Variants in STK24 observed in about 807,000 individuals in gnomAD.
STK24 encodes the protein serine/threonine kinase 24, also known as serine/threonine-protein kinase 24.
STK24 carries 21 observed loss-of-function variants against 55.6 expected under a neutral mutation model. The ratio of observed to expected loss-of-function variants is 0.38; its 90% CI spans 0.27 to 0.54. STK24 has a LOEUF of 0.54. Ranked by LOEUF, STK24 falls within the 20% of genes least tolerant of loss-of-function variation. The pLI is 0.79. For missense variants in STK24, 383 were observed against 538.4 expected (o/e 0.71, Z 2.86); for synonymous variants, 200 against 215.2 (o/e 0.93, Z 0.62).
chr13:98,576,964 C>T lies in STK24; in HGVS notation c.-178G>A. 5.5e-6 allele frequency: 1 copy of T among 181,650 alleles called. No individual in the cohort carries two copies. Among genetic ancestry groups the T allele is most frequent in the Non-Finnish European group, 1.0e-5 (1 of 98,374 alleles). The allele number at this position is 181,650 out of a possible 1,614,324, so 11.3% of individuals were successfully genotyped here. A position where few individuals can be genotyped will look rare whatever the true frequency, so the allele number is the denominator to read the frequency against. On this transcript the variant is annotated 5_prime_UTR_variant, in exon 1 of 11. Transcript: ENST00000539966. Reference sequence around the variant, plus strand: ...CGGGGGCTCAGCGGCGGGTGGCGGGCCGCGTCTCCATGCACGGCGCCAGGG... The same window carrying T: ...CGGGGGCTCAGCGGCGGGTGGCGGGTCGCGTCTCCATGCACGGCGCCAGGG...
At chr13:98,480,406 A>C (rs1228241828) in intron 3 of STK24, among the ~76,000 whole-genome samples, 1 of 152,262 alleles carries the variant, frequency 6.6e-6, no homozygotes, top group East Asian at 1.9e-4. Context: ...CTAATTACAT[A>C]AAATGAGGTA....
In STK24 at chr13:98,449,997, A is replaced by AGAC. The variant is rs1893109913; in HGVS notation, c.*3173_*3175dup. On this transcript the variant is annotated 3_prime_UTR_variant, in exon 11 of 11. Coordinates refer to ENST00000539966, the MANE Select transcript of STK24 (RefSeq NM_001032296.4). Reference sequence around the variant, plus strand: ...GAAGTCACCACTCACTCATTCCTGGAGACTTGGGGACAAGGCAGTCTCCTC... The same window carrying AGAC: ...GAAGTCACCACTCACTCATTCCTGGAGACGACTTGGGGACAAGGCAGTCTCCTC... 3 of 151,784 alleles carry AGAC rather than the reference A, an allele frequency of 2.0e-5. No individual in the cohort carries two copies. Among genetic ancestry groups the AGAC allele is most frequent in the African/African-American group, 7.3e-5 (3 of 41,292 alleles). 9.4% of individuals were successfully genotyped at this position (151,784 alleles called of 1,614,324 possible). A position where few individuals can be genotyped will look rare whatever the true frequency, so the allele number is the denominator to read the frequency against.
intron 2 of STK24, among the ~76,000 whole-genome samples, chr13:98,494,441 GTAT>G (rs2139330638): frequency 8.9e-6 from 1 of 112,338 alleles, no homozygotes; most frequent in East Asian, 3.0e-4. Context: ...GCCTCTAACA[GTAT>G]TATAAGGAAA....
Position 98,499,108 on chromosome 13 carries a change from T to G in STK24, c.274-16787A>C, listed in dbSNP as rs114481011. 3.5e-3 allele frequency among the ~76,000 whole-genome samples: 525 copies of G among 152,148 alleles called. 5 individuals are homozygous for G. Among genetic ancestry groups the G allele is most frequent in the African/African-American group, 0.012 (498 of 41,522 alleles). ...CTAAAAATACAAAAATTAGCCAGCATAGTGGTGCAATCCCAGCTACTCGGG... is the reference window on the plus strand; with the variant it reads ...CTAAAAATACAAAAATTAGCCAGCAGAGTGGTGCAATCCCAGCTACTCGGG... On this transcript the variant is annotated intron_variant, in intron 2 of 10. Coordinates refer to ENST00000539966, the MANE Select transcript of STK24 (RefSeq NM_001032296.4).
chr13:98,534,744 C>A (rs1468899541), intron 1 of STK24, among the ~76,000 whole-genome samples: 1 of 152,148 alleles, frequency 6.6e-6, no homozygotes, highest in Non-Finnish European at 1.5e-5. Context: ...AGCAAAAAAC[C>A]CACTTCAATC....
intron 1 of STK24, among the ~76,000 whole-genome samples, chr13:98,569,838 ATGCC>A (rs56257438): frequency 0.17 from 24,590 of 148,268 alleles, 2,121 homozygotes; most frequent in African/African-American, 0.18. Flanking sequence ...TCTATAGACA[ATGCC>A]TGAAACCAGG....
intron 1 of STK24, among the ~76,000 whole-genome samples, chr13:98,559,166 TCCG>T (rs1897351543): frequency 1.3e-5 from 2 of 151,824 alleles, no homozygotes; most frequent in African/African-American, 4.8e-5. Context: ...AAGAGCGAAC[TCCG>T]TCTCAAAAAA....
intron 2 of STK24, among the ~76,000 whole-genome samples, chr13:98,512,728 TGGGCAGGTGAG>T (rs1327252630): frequency 6.6e-6 from 1 of 151,742 alleles, no homozygotes. Flanking sequence ...GCAAAAAACA[TGGGCAGGTGAG>T]GACCTCCAGT....
At chr13:98,502,716 G>T (rs1232850856) in intron 2 of STK24, among the ~76,000 whole-genome samples, 3 of 152,304 alleles carry the variant, frequency 2.0e-5, no homozygotes, top group Admixed American at 6.5e-5. Context: ...CCAGATGCCA[G>T]TACCATGTTC....
chr13:98,548,017 C>G (rs574902919), intron 1 of STK24, among the ~76,000 whole-genome samples: 3 of 152,264 alleles, frequency 2.0e-5, no homozygotes, highest in South Asian at 4.1e-4. Context: ...TCTAACTTCC[C>G]GCTCCAGCAG....
intron 1 of STK24, among the ~76,000 whole-genome samples, chr13:98,537,342 C>T (rs79667253): frequency 0.032 from 4,872 of 152,298 alleles, 240 homozygotes; most frequent in African/African-American, 0.11. Flanking sequence ...ATGGCGTTAC[C>T]CTATGGCCGC....
chr13:98,535,962 T>G (rs1896720430), intron 1 of STK24, among the ~76,000 whole-genome samples: 1 of 152,246 alleles, frequency 6.6e-6, no homozygotes, highest in Non-Finnish European at 1.5e-5. Flanking sequence ...ATCAGGAAAC[T>G]GACTATTCTA....
At chr13:98,567,604 A>G (rs982188034) in intron 1 of STK24, among the ~76,000 whole-genome samples, 4 of 152,154 alleles carry the variant, frequency 2.6e-5, no homozygotes, top group African/African-American at 7.2e-5. Context: ...AAATAAGCAG[A>G]CATGTATACT....
Position 98,576,859 on chromosome 13 carries a change from C to G in STK24, c.-73G>C, listed in dbSNP as rs1003265765. 1 of 972,336 alleles carries G rather than the reference C, an allele frequency of 1.0e-6. No individual in the cohort carries two copies. Among genetic ancestry groups the G allele is most frequent in the African/African-American group, 1.8e-5 (1 of 55,722 alleles). The allele number at this position is 972,336 out of a possible 1,614,324, so 60.2% of individuals were successfully genotyped here. A position where few individuals can be genotyped will look rare whatever the true frequency, so the allele number is the denominator to read the frequency against. ...GATCCGCGCGGGGCGGCGAGGCCCG[C>G]GGGCCGCGCGCAGCCCTCGGGCGGC... On this transcript the variant is annotated 5_prime_UTR_variant, in exon 1 of 11. Transcript: ENST00000539966.
chr13:98,451,744 G>A lies in STK24; in HGVS notation c.*1429C>T, dbSNP rs1462058737. 1 of 152,134 alleles carries A rather than the reference G, an allele frequency of 6.6e-6. No individual in the cohort carries two copies. Among genetic ancestry groups the A allele is most frequent in the African/African-American group, 2.4e-5 (1 of 41,408 alleles). The allele number at this position is 152,134 out of a possible 1,614,324, so 9.4% of individuals were successfully genotyped here. A position where few individuals can be genotyped will look rare whatever the true frequency, so the allele number is the denominator to read the frequency against. On this transcript the variant is annotated 3_prime_UTR_variant, in exon 11 of 11. Transcript: ENST00000539966. ...TCAGCTTCAACAAACATAAAAGAAT[G>A]CTTCATGTACCAGTCAACAGCTGCT...
rs1211978253 is a variant in STK24, at chr13:98,450,099, C to T, written c.*3074G>A. On this transcript the variant is annotated 3_prime_UTR_variant, in exon 11 of 11. Transcript: ENST00000539966. The stretch of plus-strand genomic sequence containing the variant: ...GGTGGTTCTGACCTGTGACCAGCAC[C>T]TCTGCTTCCTGTGTGCCCTCAAGAA... The T allele has an allele frequency of 6.6e-6, 1 of 152,236 alleles. No homozygotes were observed. The highest frequency in any genetic ancestry group is 1.9e-4 in the East Asian group (1 of 5,194). The allele number at this position is 152,236 out of a possible 1,614,324, so 9.4% of individuals were successfully genotyped here. A position where few individuals can be genotyped will look rare whatever the true frequency, so the allele number is the denominator to read the frequency against.
intron 10 of STK24, 87 bp downstream of exon 10, chr13:98,457,080 CA>C: frequency 6.7e-7 from 1 of 1,496,356 alleles, no homozygotes; most frequent in Non-Finnish European, 9.0e-7. Context: ...ACAGACAGGC[CA>C]AGAATCAAGT....
At chr13:98,507,478 T>C (rs1895732074) in intron 2 of STK24, among the ~76,000 whole-genome samples, 1 of 152,206 alleles carries the variant, frequency 6.6e-6, no homozygotes, top group Non-Finnish European at 1.5e-5. Flanking sequence ...TCAGCTTCTC[T>C]GGGCCATGGT....
intron 5 of STK24, 88 bp downstream of exon 5, chr13:98,474,733 A>T: frequency 1.3e-6 from 2 of 1,498,776 alleles, no homozygotes; most frequent in Non-Finnish European, 1.8e-6. Context: ...GCTTCGTTCC[A>T]ACTTAGAAAA....
Sources: allele counts gnomAD v4.1 joint callset (sites outside exome capture counted in the v4.1 genomes callset), GRCh38; gene constraint gnomAD v4.1.1; transcripts MANE v1.5; gene names NCBI Gene and HGNC (gene_info 2026-07-23, HGNC 2026-07-21).